Variants in KRT37 observed in about 807,000 individuals in gnomAD.
The protein encoded by KRT37 is keratin 37.
KRT37 carries 38 observed loss-of-function variants against 41.9 expected under a neutral mutation model. The observed-to-expected ratio is 0.91, with a 90% CI of 0.70 to 1.19. The LOEUF (loss-of-function observed/expected upper bound fraction) is 1.19, where lower values mean the gene tolerates loss of function less well. Among genes scored for constraint, KRT37 ranks in the 50% most tolerant of loss-of-function variants. The pLI, the probability that KRT37 is intolerant of heterozygous loss-of-function variation, is 0.00. For missense variants in KRT37, 580 were observed against 575.5 expected, an observed-to-expected ratio of 1.01 and a Z score of -0.08; for synonymous variants, 252 against 243.4, an observed-to-expected ratio of 1.04 and a Z score of -0.33.
Position 41,424,055 on chromosome 17 carries a change from T to C in KRT37, c.469A>G (p.Thr157Ala), listed in dbSNP as rs1157775335. 1.2e-6 allele frequency: 2 copies of C among 1,613,902 alleles called. No individual in the cohort carries two copies. The highest frequency in any genetic ancestry group is 1.6e-4 in the Middle Eastern group (1 of 6,084). ...VCPDYQSYFR[T>A]IEELQQKILC... ...ACCTTCTGCTGGAGCTCCTCGATTG[T>C]ACGGAAGTAGGACTGGTAGTCGGGG... The change falls in exon 1 of 7, where the codon ACA (threonine) becomes GCA (alanine). Residue 157 changes from threonine to alanine, a missense_variant. Transcript: ENST00000225550.
rs765322644 is a variant in KRT37 at position 41,421,548 on chromosome 17, G to A, written c.1060C>T (p.Arg354Cys). The A allele has an allele frequency of 6.2e-6, 10 of 1,614,102 alleles. No individual in the cohort carries two copies. The highest frequency in any genetic ancestry group is 4.0e-5 in the African/African-American group (3 of 74,934). Residue 354 changes from arginine (R) to cysteine (C), a missense_variant, in exon 6 of 7, where the codon CGC (arginine) becomes TGC (cysteine). Coordinates refer to ENST00000225550, the MANE Select transcript of KRT37 (RefSeq NM_003770.5). Reference sequence around the variant, plus strand: ...ATCTGGGCCAGCTCTGTGCCGTAGCGGTCCTCCGCTTCACACAGGGAGTTC... The same window carrying A: ...ATCTGGGCCAGCTCTGTGCCGTAGCAGTCCTCCGCTTCACACAGGGAGTTC... ...LQNSLCEAED[R>C]YGTELAQMQS...
At chr17:41,423,696 A>C in intron 2 of KRT37, 66 bp downstream of exon 2, 1 of 1,444,300 alleles carries the variant, frequency 6.9e-7, no homozygotes, top group Non-Finnish European at 9.7e-7. Flanking sequence ...TAGACTGAGT[A>C]ATGGGGCGGG....
chr17:41,423,032 T>G lies in KRT37; in HGVS notation c.576-98A>C, dbSNP rs537524132. 12 of 1,435,070 alleles carry G rather than the reference T, an allele frequency of 8.4e-6. No homozygotes were observed. The African/African-American group carries it at 1.4e-4, about 17-fold the overall frequency. 88.9% of individuals were successfully genotyped at this position (1,435,070 alleles called of 1,614,324 possible). On this transcript the variant is annotated intron_variant, in intron 2 of 6. Transcript: ENST00000225550. The stretch of plus-strand genomic sequence containing the variant: ...TCCCACACCACCTTGGATCCTTATT[T>G]GTTCACGTGGGCAGTATACACTATT...
At position 41,420,915 on chromosome 17, in the gene KRT37, C is replaced by A. The variant is rs775778050; in HGVS notation, c.1313G>T (p.Gly438Val). ...GCTGGCTCCATGGCCAGAGGGAGACCCACCGGTGACAGGGCCACAGCTTGG... is the reference window on the plus strand; with the variant it reads ...GCTGGCTCCATGGCCAGAGGGAGACACACCGGTGACAGGGCCACAGCTTGG... ...SCPSCGPVTG[G>V]SPSGHGASMG... The change falls in exon 7 of 7, where the codon GGG (glycine) becomes GTG (valine). Residue 438 changes from glycine to valine, a missense_variant. Coordinates refer to ENST00000225550, the MANE Select transcript of KRT37 (RefSeq NM_003770.5). The A allele has an allele frequency of 1.9e-6, 3 of 1,613,962 alleles. No individual in the cohort carries two copies. Among genetic ancestry groups the A allele is most frequent in the Non-Finnish European group, 2.5e-6 (3 of 1,179,958 alleles).
At position 41,424,160 on chromosome 17, in the gene KRT37, C is replaced by A. The variant is rs758411641; in HGVS notation, c.364G>T (p.Val122Leu). 3.1e-6 allele frequency: 5 copies of A among 1,614,250 alleles called. No individual in the cohort carries two copies. The highest frequency in any genetic ancestry group is 3.3e-5 in the Admixed American group (2 of 60,026). The change falls in exon 1 of 7, where the codon GTG becomes TTG. Residue 122 changes from valine to leucine, a missense_variant. By Grantham distance (32) the Val-to-Leu change is conservative. Coordinates refer to ENST00000225550, the MANE Select transcript of KRT37 (RefSeq NM_003770.5). ...NDRLANYLEK[V>L]RQLEQENAEL... ...GCATTCTCCTGCTCCAGCTGGCGCA[C>A]CTTCTCCAGGTAGTTGGCCAGGCGG...
Position 41,421,497 on chromosome 17 carries a change from C to T in KRT37, c.1111G>A (p.Glu371Lys), listed in dbSNP as rs139078964. The change falls in exon 6 of 7, where the codon GAG becomes AAG. Residue 371 changes from glutamate to lysine, a missense_variant. Physicochemically the swap from Glu to Lys is moderately conservative, Grantham distance 56 (BLOSUM62 1). Coordinates refer to ENST00000225550, the MANE Select transcript of KRT37 (RefSeq NM_003770.5). ...TCGGCCCGGATCTCAGACAACTGCT[C>T]TTCCAAGTTGCTAATGAGGCTCTGC... ...QMQSLISNLE[E>K]QLSEIRADLE... 6.2e-6 allele frequency: 10 copies of T among 1,614,228 alleles called. No individual in the cohort carries two copies. In the African/African-American group the frequency reaches 1.2e-4, roughly 19 times the overall value.
intron 5 of KRT37, 50 bp downstream of exon 5, chr17:41,422,019 A>G (rs1377901235): frequency 1.2e-6 from 2 of 1,613,176 alleles, no homozygotes; most frequent in Admixed American, 1.7e-5. Flanking sequence ...TGCTACTACC[A>G]GGACATGGCA....
At position 41,424,313 on chromosome 17, in the gene KRT37, G is replaced by T; in HGVS notation, c.211C>A (p.Pro71Thr). The T allele has an allele frequency of 2.5e-6, 4 of 1,614,152 alleles. No individual in the cohort carries two copies. The highest frequency in any genetic ancestry group is 3.4e-6 in the Non-Finnish European group (4 of 1,179,976). The change falls in exon 1 of 7, where the codon CCA becomes ACA. Residue 71 changes from proline to threonine, a missense_variant. Coordinates refer to ENST00000225550, the MANE Select transcript of KRT37 (RefSeq NM_003770.5). ...PLGRPSLCLP[P>T]TSHTACPLPG... Reference sequence around the variant, plus strand: ...AAGGGACAAGCAGTGTGACTGGTTGGGGGCAGACAGAGGCTGGGGCGGCCC... The same window carrying T: ...AAGGGACAAGCAGTGTGACTGGTTGTGGGCAGACAGAGGCTGGGGCGGCCC...
chr17:41,424,290 G>C lies in KRT37; in HGVS notation c.234C>G (p.Pro78=), dbSNP rs747640143. The C allele has an allele frequency of 6.2e-7, 1 of 1,614,212 alleles. No individual in the cohort carries two copies. Among genetic ancestry groups the C allele is most frequent in the Admixed American group, 1.7e-5 (1 of 60,034 alleles). The change falls in exon 1 of 7, where the codon CCC becomes CCG. Residue 78 remains proline (P), a synonymous_variant. Coordinates refer to ENST00000225550, the MANE Select transcript of KRT37 (RefSeq NM_003770.5). ...CGGGAATGTGACAGGTCCCTGGCAA[G>C]GGACAAGCAGTGTGACTGGTTGGGG... The part of the protein sequence containing the change: ...CLPPTSHTAC[P]LPGTCHIPGN...
intron 1 of KRT37, 77 bp from the exon 2 acceptor site, chr17:41,423,921 C>G: frequency 6.2e-7 from 1 of 1,606,712 alleles, no homozygotes; most frequent in Non-Finnish European, 8.5e-7. Context: ...TATTTACGCT[C>G]ATGTCCAAGA....
chr17:41,423,844 T>C lies in KRT37; in HGVS notation c.493A>G (p.Ile165Val), dbSNP rs139381917. 6.2e-7 allele frequency: 1 copy of C among 1,614,120 alleles called. No individual in the cohort carries two copies. The highest frequency in any genetic ancestry group is 1.3e-5 in the African/African-American group (1 of 75,034). The change falls in exon 2 of 7, where the codon ATC (isoleucine) becomes GTC (valine). Residue 165 changes from isoleucine to valine, a missense_variant and splice_region_variant. Coordinates refer to ENST00000225550, the MANE Select transcript of KRT37 (RefSeq NM_003770.5). ...FRTIEELQQK[I>V]LCSKAENARL... is the part of the protein sequence containing the mutation. ...GCATTCTCAGCCTTGCTGCACAGGA[T>C]CTGAGGAAAACGGAAAGACGGTTCA...
At position 41,424,256 on chromosome 17, in the gene KRT37, C is replaced by T. The variant is rs757516330; in HGVS notation, c.268G>A (p.Gly90Arg). Reference sequence around the variant, plus strand: ...TTTTTGCCGTAGGCCCCACAGATTCCGATGTTGCCGGGAATGTGACAGGTC... The same window carrying T: ...TTTTTGCCGTAGGCCCCACAGATTCTGATGTTGCCGGGAATGTGACAGGTC... ...PGTCHIPGNI[G>R]ICGAYGKNTL... Residue 90 changes from glycine (G) to arginine (R), a missense_variant, in exon 1 of 7, where the codon GGA (glycine) becomes AGA (arginine). Coordinates refer to ENST00000225550, the MANE Select transcript of KRT37 (RefSeq NM_003770.5). The T allele has an allele frequency of 1.1e-5, 17 of 1,614,070 alleles. No individual in the cohort carries two copies. The highest frequency in any genetic ancestry group is 4.5e-5 in the East Asian group (2 of 44,886).
chr17:41,424,383 G>C lies in KRT37; in HGVS notation c.141C>G (p.Ala47=), dbSNP rs766604083. 1 of 1,613,818 alleles carries C rather than the reference G, an allele frequency of 6.2e-7. No individual in the cohort carries two copies. The highest frequency in any genetic ancestry group is 8.5e-7 in the Non-Finnish European group (1 of 1,179,764). Reference sequence around the variant, plus strand: ...GGACTCTGTTGGCGTGTGCCACGTTGGCCAAGAGGCACATGGAGGCAGCAT... The same window carrying C: ...GGACTCTGTTGGCGTGTGCCACGTTCGCCAAGAGGCACATGGAGGCAGCAT... ...EANAASMCLL[A]NVAHANRVRV... The change falls in exon 1 of 7, where the codon GCC becomes GCG. Residue 47 remains alanine, a synonymous_variant. Coordinates refer to ENST00000225550, the MANE Select transcript of KRT37 (RefSeq NM_003770.5).
At position 41,422,823 on chromosome 17, in the gene KRT37, C is replaced by T. The variant is rs748614726; in HGVS notation, c.687G>A (p.Glu229=). The T allele has an allele frequency of 6.2e-7, 1 of 1,613,954 alleles. No individual in the cohort carries two copies. Among genetic ancestry groups the T allele is most frequent in the South Asian group, 1.1e-5 (1 of 91,066 alleles). ...LAKADLEAQQ[E]SLKEEQLSLK... ...GGGAGAGCTGCTCCTCCTTCAGGGA[C>T]TCCTGCTGGGCCTCCAGGTCGGCCT... The change falls in exon 3 of 7, where the codon GAG becomes GAA. Residue 229 remains glutamate (E), a synonymous_variant. Coordinates refer to ENST00000225550, the MANE Select transcript of KRT37 (RefSeq NM_003770.5).
At position 41,422,775 on chromosome 17, in the gene KRT37, C is replaced by T; in HGVS notation, c.732+3G>A. 5 of 1,591,506 alleles carry T rather than the reference C, an allele frequency of 3.1e-6. No individual in the cohort carries two copies. The highest frequency in any genetic ancestry group is 4.3e-6 in the Non-Finnish European group (5 of 1,164,656). On this transcript the variant is annotated splice_donor_region_variant and intron_variant, in intron 3 of 6. Coordinates refer to ENST00000225550, the MANE Select transcript of KRT37 (RefSeq NM_003770.5). The stretch of plus-strand genomic sequence containing the variant: ...CCAGGAGTCTGAGCAGCCAGGGCCA[C>T]ACCTGCTCGTGGTTGCTCTTGAGGG...
chr17:41,424,358 G>A lies in KRT37; in HGVS notation c.166C>T (p.Arg56Cys), dbSNP rs745694744. 19 of 1,614,012 alleles carry A rather than the reference G, an allele frequency of 1.2e-5. No individual in the cohort carries two copies. Among genetic ancestry groups the A allele is most frequent in the Middle Eastern group, 1.6e-4 (1 of 6,082 alleles). ...LANVAHANRV[R>C]VGSTPLGRPS... ...CGGCCCAGGGGAGTCGACCCCACAC[G>A]GACTCTGTTGGCGTGTGCCACGTTG... Residue 56 changes from arginine (R) to cysteine (C), a missense_variant, in exon 1 of 7, where the codon CGT (arginine) becomes TGT (cysteine). Arg to Cys is a radical substitution (Grantham distance 180). Coordinates refer to ENST00000225550, the MANE Select transcript of KRT37 (RefSeq NM_003770.5).
chr17:41,423,851 A>C lies in KRT37; in HGVS notation c.493-7T>G, dbSNP rs753341311. The C allele has an allele frequency of 2.5e-6, 4 of 1,613,802 alleles. No individual in the cohort carries two copies. In the African/African-American group the frequency reaches 5.3e-5, roughly 22 times the overall value. On this transcript the variant is annotated splice_polypyrimidine_tract_variant and splice_region_variant and intron_variant, in intron 1 of 6. Transcript: ENST00000225550. ...CAGCCTTGCTGCACAGGATCTGAGG[A>C]AAACGGAAAGACGGTTCACACACAA...
Position 41,424,032 on chromosome 17 carries a change from C to T in KRT37, c.492G>A (p.Lys164=), listed in dbSNP as rs778592364. ...ATGCCCAGGCGATCCCACACCTCAC[C>T]TTCTGCTGGAGCTCCTCGATTGTAC... ...YFRTIEELQQ[K]ILCSKAENAR... Residue 164 remains lysine (K), a splice_region_variant and synonymous_variant, in exon 1 of 7, where the codon AAG becomes AAA. Transcript: ENST00000225550. 5 of 1,611,674 alleles carry T rather than the reference C, an allele frequency of 3.1e-6. No individual in the cohort carries two copies. The highest frequency in any genetic ancestry group is 2.2e-5 in the East Asian group (1 of 44,832).
chr17:41,424,327 C>T lies in KRT37; in HGVS notation c.197G>A (p.Ser66Asn), dbSNP rs1273496695. The T allele has an allele frequency of 1.2e-6, 2 of 1,614,020 alleles. No individual in the cohort carries two copies. The highest frequency in any genetic ancestry group is 2.2e-5 in the East Asian group (1 of 44,878). Residue 66 changes from serine to asparagine, a missense_variant, in exon 1 of 7, where the codon AGC becomes AAC. By Grantham distance (46) the Ser-to-Asn change is conservative. Transcript: ENST00000225550. ...RVGSTPLGRPSLCLPPTSHTA... is the reference protein window; with the variant it reads ...RVGSTPLGRPNLCLPPTSHTA... ...GTGACTGGTTGGGGGCAGACAGAGG[C>T]TGGGGCGGCCCAGGGGAGTCGACCC...
Sources: allele counts gnomAD v4.1 joint callset, GRCh38; gene constraint gnomAD v4.1.1; transcripts MANE v1.5; gene names NCBI Gene and HGNC (gene_info 2026-07-23, HGNC 2026-07-21).